The following MPHOSPH8 variants were observed in gnomAD, a reference collection of about 807,000 sequenced individuals.
MPHOSPH8 encodes the protein M-phase phosphoprotein, mpp.
In MPHOSPH8, 45 loss-of-function variants were observed where a neutral mutation model predicts 87.3. That is an observed-to-expected ratio of 0.52 (90% CI 0.41 to 0.66). The LOEUF is 0.66. Among genes scored for constraint, MPHOSPH8 ranks in the 30% least tolerant of loss-of-function variants. The probability of loss-of-function intolerance (pLI) is 0.00; values close to 1 mark genes in which losing one functional copy is unlikely to be tolerated. For missense variants in MPHOSPH8, 883 were observed against 1,020.2 expected, an observed-to-expected ratio of 0.87 and a Z score of 1.83; for synonymous variants, 366 against 376.9, an observed-to-expected ratio of 0.97 and a Z score of 0.33.
At chr13:19,671,384 G>C in intron 13 of MPHOSPH8, 95 bp downstream of exon 13, 5 of 1,129,234 alleles carry the variant, frequency 4.4e-6, no homozygotes, top group Non-Finnish European at 6.6e-6. Flanking sequence ...GAATCCTGGT[G>C]TACCTGTCCT....
intron 7 of MPHOSPH8, among the ~76,000 whole-genome samples, chr13:19,659,955 A>ATTTTTTTTTTTT: frequency 1.7e-5 from 1 of 59,134 alleles, no homozygotes; most frequent in Non-Finnish European, 3.2e-5. Flanking sequence ...ATATGTATGG[A>ATTTTTTTTTTTT]TTTTTTTTTT....
In MPHOSPH8 at chr13:19,646,628, C is replaced by T. The variant is rs1336629181; in HGVS notation, c.555C>T (p.Asp185=). 1 of 1,586,780 alleles carries T rather than the reference C, an allele frequency of 6.3e-7. No homozygotes were observed. The change falls in exon 3 of 14, where the codon GAC becomes GAT. Residue 185 remains aspartate (D), a synonymous_variant. Coordinates refer to ENST00000361479, the MANE Select transcript of MPHOSPH8 (RefSeq NM_017520.4). ...AGKLKDKSKP[D]LESSLESLVF... ...AGCTAAAAGACAAGTCCAAACCAGA[C>T]CTGGAGAGCTCCTTGGAAAGTTTAG...
intron 5 of MPHOSPH8, among the ~76,000 whole-genome samples, chr13:19,655,055 T>C (rs1029010291): frequency 1.4e-4 from 22 of 152,154 alleles, no homozygotes; most frequent in Admixed American, 1.2e-3. Context: ...AAAAAAAATC[T>C]CATGATCACG....
rs544607230 is a variant in MPHOSPH8 at position 19,650,682 on chromosome 13, CAAG to C, written c.1576+431_1576+433del. Among the ~76,000 whole-genome samples the C allele has an allele frequency of 1.8e-4, 28 of 152,134 alleles. No individual in the cohort carries two copies. In the South Asian group the frequency reaches 3.9e-3, roughly 21 times the overall value. On this transcript the variant is annotated intron_variant, in intron 5 of 13. Transcript: ENST00000361479. ...CTGTCCTGAGGACATTGGAGCTGGT[CAAG>C]AAGAAGAATACAGACTACAGTAGTG...
chr13:19,652,074 C>T (rs375965968), intron 5 of MPHOSPH8, among the ~76,000 whole-genome samples: 42 of 152,272 alleles, frequency 2.8e-4, no homozygotes, highest in African/African-American at 9.1e-4. Context: ...TGCACCCCAG[C>T]CTGGGCAACA....
At chr13:19,668,562 A>G (rs1416803736) in intron 11 of MPHOSPH8, 31 bp downstream of exon 11, 2 of 1,589,186 alleles carry the variant, frequency 1.3e-6, no homozygotes, top group African/African-American at 2.7e-5. Flanking sequence ...ACACTTTTCT[A>G]TGTGAAGTGT....
chr13:19,660,159 G>A (rs749866730), intron 7 of MPHOSPH8, among the ~76,000 whole-genome samples: 53 of 150,942 alleles, frequency 3.5e-4, no homozygotes, highest in Non-Finnish European at 5.8e-4. Flanking sequence ...TAGTAGAGAC[G>A]GGGTTTCACC....
At chr13:19,662,051 C>T (rs912102374) in intron 8 of MPHOSPH8, among the ~76,000 whole-genome samples, 3 of 152,018 alleles carry the variant, frequency 2.0e-5, no homozygotes, top group African/African-American at 7.2e-5. Flanking sequence ...ACTCCTGCCT[C>T]AGCCTCCTGA....
Position 19,650,142 on chromosome 13 carries a change from C to A in MPHOSPH8, c.1458C>A (p.Asn486Lys). 2 of 1,613,982 alleles carry A rather than the reference C, an allele frequency of 1.2e-6. No homozygotes were observed. Among genetic ancestry groups the A allele is most frequent in the Non-Finnish European group, 1.7e-6 (2 of 1,179,972 alleles). ...KTIDDHKTKE[N>K]KQSLKERRNT... is the part of the protein sequence containing the mutation. ...TAGACGATCACAAAACCAAGGAAAA[C>A]AAACAGTCACTTAAAGAAAGGAGAA... is the stretch of plus-strand genomic sequence containing the variant. Residue 486 changes from asparagine (N) to lysine (K), a missense_variant, in exon 5 of 14, where the codon AAC becomes AAA. Physicochemically the swap from Asn to Lys is moderately conservative, Grantham distance 94. Coordinates refer to ENST00000361479, the MANE Select transcript of MPHOSPH8 (RefSeq NM_017520.4).
chr13:19,666,839 T>C (rs1356985054), intron 10 of MPHOSPH8, among the ~76,000 whole-genome samples: 1 of 152,178 alleles, frequency 6.6e-6, no homozygotes, highest in Non-Finnish European at 1.5e-5. Flanking sequence ...AGTATGCTCT[T>C]AATTTGGTTA....
At chr13:19,655,472 ACAC>A (rs368185684) in intron 5 of MPHOSPH8, among the ~76,000 whole-genome samples, 4,198 of 151,946 alleles carry the variant, frequency 0.028, 183 homozygotes, top group African/African-American at 0.09. Context: ...TGTCTCAAAA[ACAC>A]CACCACCACC....
At chr13:19,670,969 G>A (rs1051305541) in intron 12 of MPHOSPH8, 13 of 1,070,520 alleles carry the variant, frequency 1.2e-5, no homozygotes, top group Middle Eastern at 2.9e-4. Context: ...AAAAATGCAC[G>A]CCACCACATC....
chr13:19,641,860 C>T (rs1431076864), intron 1 of MPHOSPH8, among the ~76,000 whole-genome samples: 1 of 152,030 alleles, frequency 6.6e-6, no homozygotes, highest in Non-Finnish European at 1.5e-5. Flanking sequence ...TCTCAAACTC[C>T]TGGGCTCAAG....
intron 5 of MPHOSPH8, among the ~76,000 whole-genome samples, chr13:19,657,121 CAAAAAA>C (rs11383127): frequency 1.1e-4 from 8 of 70,086 alleles, no homozygotes; most frequent in African/African-American, 1.9e-4. Context: ...AACTCTGTCT[CAAAAAA>C]AAAAAAAAAA....
chr13:19,649,813 G>T (rs1176603931), intron 4 of MPHOSPH8, among the ~76,000 whole-genome samples, 190 bp from the exon 5 acceptor site: 1 of 152,210 alleles, frequency 6.6e-6, no homozygotes, highest in Admixed American at 6.5e-5. Flanking sequence ...ATATTGAGCA[G>T]CCAGTAGAAA....
At chr13:19,670,420 A>G (rs1876061075) in intron 12 of MPHOSPH8, 57 bp downstream of exon 12, 1 of 1,548,352 alleles carries the variant, frequency 6.5e-7, no homozygotes, top group Non-Finnish European at 8.8e-7. Context: ...AAAAGCACAG[A>G]TGACTTAATT....
At chr13:19,644,876 C>T (rs933035678) in intron 2 of MPHOSPH8, among the ~76,000 whole-genome samples, 1 of 152,126 alleles carries the variant, frequency 6.6e-6, no homozygotes, top group Admixed American at 6.5e-5. Context: ...TTGCCTGATG[C>T]TCCAAAGTTT....
chr13:19,650,554 A>G lies in MPHOSPH8; in HGVS notation c.1576+294A>G. 1.1e-5 allele frequency: 3 copies of G among 266,838 alleles called. 1 individual carries two copies. The South Asian group carries it at 3.8e-4, about 33-fold the overall frequency. The allele number at this position is 266,838 out of a possible 1,614,324, so 16.5% of individuals were successfully genotyped here. A position where few individuals can be genotyped will look rare whatever the true frequency, so the allele number is the denominator to read the frequency against. On this transcript the variant is annotated intron_variant, in intron 5 of 13. Transcript: ENST00000361479. The stretch of plus-strand genomic sequence containing the variant: ...TGGCAGCCCCATTTTATATCTTACT[A>G]TTTAATAGATTTCTTTCAGGAAATT...
At position 19,633,671 on chromosome 13, in the gene MPHOSPH8, G is replaced by T. The variant is rs1333989716; in HGVS notation, c.-78G>T. On this transcript the variant is annotated 5_prime_UTR_variant, in exon 1 of 14. Transcript: ENST00000361479. ...CCGTTACGCCGCTGATGTGGAGTAGGGCCGAGCGCGGAACGCGAGGGGCTG... is the reference window on the plus strand; with the variant it reads ...CCGTTACGCCGCTGATGTGGAGTAGTGCCGAGCGCGGAACGCGAGGGGCTG... The T allele has an allele frequency of 1.4e-5, 21 of 1,483,624 alleles. No individual in the cohort carries two copies. Among genetic ancestry groups the T allele is most frequent in the Non-Finnish European group, 1.8e-5 (20 of 1,087,592 alleles). The allele number at this position is 1,483,624 out of a possible 1,614,324, so 91.9% of individuals were successfully genotyped here.
Sources: allele counts gnomAD v4.1 joint callset (sites outside exome capture counted in the v4.1 genomes callset), GRCh38; gene constraint gnomAD v4.1.1; transcripts MANE v1.5; gene names NCBI Gene and HGNC (gene_info 2026-07-23, HGNC 2026-07-21).